Variants in KAT6B observed in about 807,000 individuals in gnomAD.
KAT6B encodes the protein histone acetyltransferase KAT6B.
KAT6B carries 10 observed loss-of-function variants against 187.5 expected under a neutral mutation model. That is an observed-to-expected ratio of 0.05 (90% confidence interval 0.03 to 0.09). The LOEUF (loss-of-function observed/expected upper bound fraction) is 0.09, where lower values mean the gene tolerates loss of function less well. Among genes scored for constraint, KAT6B ranks in the 10% least tolerant of loss-of-function variants. The probability of loss-of-function intolerance (pLI) is 1.00; values close to 1 mark genes in which losing one functional copy is unlikely to be tolerated. For missense variants in KAT6B, 1,952 were observed against 2,558.9 expected, an observed-to-expected ratio of 0.76 and a Z score of 5.12; for synonymous variants, 861 against 926.8, an observed-to-expected ratio of 0.93 and a Z score of 1.29.
chr10:75,020,328 T>C (rs1370969288), intron 13 of KAT6B, among the ~76,000 whole-genome samples: 1 of 152,228 alleles, frequency 6.6e-6, no homozygotes, highest in Admixed American at 6.5e-5. Context: ...TTGTTAAATA[T>C]GTCACAATAT....
At chr10:74,892,960 C>G (rs1363446790) in intron 3 of KAT6B, among the ~76,000 whole-genome samples, 1 of 152,216 alleles carries the variant, frequency 6.6e-6, no homozygotes, top group Non-Finnish European at 1.5e-5. Context: ...CTTGACATTT[C>G]CTGTGGGCCT....
At chr10:74,978,736 T>G (rs891745278) in intron 9 of KAT6B, among the ~76,000 whole-genome samples, 1 of 152,216 alleles carries the variant, frequency 6.6e-6, no homozygotes, top group African/African-American at 2.4e-5. Flanking sequence ...AATGCTAAGC[T>G]GCAGATTTCA....
At chr10:74,970,781 C>T (rs756694966) in intron 6 of KAT6B, among the ~76,000 whole-genome samples, 2 of 152,112 alleles carry the variant, frequency 1.3e-5, no homozygotes, top group Non-Finnish European at 2.9e-5. Context: ...TTGGAAATTT[C>T]CTTCTCTGCC....
chr10:74,862,301 G>C (rs751162053), intron 3 of KAT6B, among the ~76,000 whole-genome samples: 8 of 152,034 alleles, frequency 5.3e-5, no homozygotes, highest in Non-Finnish European at 1.0e-4. Flanking sequence ...TTTTTTCTGG[G>C]GTTTGTAGAC....
chr10:74,875,001 T>C (rs1215657786), intron 3 of KAT6B, among the ~76,000 whole-genome samples: 1 of 152,186 alleles, frequency 6.6e-6, no homozygotes, highest in Non-Finnish European at 1.5e-5. Flanking sequence ...TTGTTACATC[T>C]GATGACACAT....
intron 3 of KAT6B, among the ~76,000 whole-genome samples, chr10:74,847,902 T>A (rs1842217516): frequency 6.6e-6 from 1 of 151,220 alleles, no homozygotes; most frequent in African/African-American, 2.4e-5. Context: ...GTTTTTCTTT[T>A]TTTTTCTTTT....
At chr10:75,008,631 C>T (rs1053897845) in intron 13 of KAT6B, among the ~76,000 whole-genome samples, 6 of 152,188 alleles carry the variant, frequency 3.9e-5, no homozygotes, top group African/African-American at 1.4e-4. Context: ...TGAAGACAGC[C>T]TTTCATCCCT....
chr10:75,017,354 C>T (rs1166803608), intron 13 of KAT6B, among the ~76,000 whole-genome samples: 1 of 151,960 alleles, frequency 6.6e-6, no homozygotes, highest in Non-Finnish European at 1.5e-5. Flanking sequence ...AAATAGAGGC[C>T]GGGCACAGTG....
At chr10:74,871,246 G>A (rs557902814) in intron 3 of KAT6B, among the ~76,000 whole-genome samples, 18 of 140,786 alleles carry the variant, frequency 1.3e-4, no homozygotes, top group Admixed American at 3.8e-4. Flanking sequence ...AGGCTGGAGT[G>A]CTATGGTGCC....
chr10:74,953,659 T>C (rs765322592), intron 3 of KAT6B, among the ~76,000 whole-genome samples: 2 of 152,196 alleles, frequency 1.3e-5, no homozygotes, highest in African/African-American at 2.4e-5. Context: ...TATGGATCTA[T>C]AGGGGATTAT....
intron 3 of KAT6B, among the ~76,000 whole-genome samples, chr10:74,944,497 A>G (rs1849951193): frequency 1.3e-5 from 2 of 152,204 alleles, no homozygotes; most frequent in African/African-American, 2.4e-5. Flanking sequence ...GCACATGAAC[A>G]ACGTCATTAG....
intron 16 of KAT6B, among the ~76,000 whole-genome samples, chr10:75,022,956 C>T (rs966091567): frequency 5.3e-5 from 8 of 152,194 alleles, no homozygotes; most frequent in African/African-American, 1.9e-4. Flanking sequence ...AAGCCCAGTG[C>T]TCTTCATGCT....
intron 3 of KAT6B, among the ~76,000 whole-genome samples, chr10:74,870,856 T>C (rs1843882566): frequency 6.6e-6 from 1 of 151,564 alleles, no homozygotes; most frequent in South Asian, 2.1e-4. Context: ...GGATGACAGA[T>C]GTGAGCCACC....
intron 3 of KAT6B, among the ~76,000 whole-genome samples, chr10:74,938,199 C>T (rs1228569664): frequency 6.6e-6 from 1 of 152,296 alleles, no homozygotes; most frequent in East Asian, 1.9e-4. Context: ...CAACATCAAT[C>T]TAACCTGGGA....
chr10:74,973,135 C>T (rs1172128567), intron 7 of KAT6B, among the ~76,000 whole-genome samples: 1 of 152,200 alleles, frequency 6.6e-6, no homozygotes, highest in Non-Finnish European at 1.5e-5. Context: ...GAAAAACCTG[C>T]AGATGACCAC....
At chr10:74,878,453 C>T (rs1011397011) in intron 3 of KAT6B, among the ~76,000 whole-genome samples, 3 of 151,834 alleles carry the variant, frequency 2.0e-5, no homozygotes, top group African/African-American at 7.3e-5. Flanking sequence ...AACCCTGTCT[C>T]TACTAAAATA....
Position 74,969,669 on chromosome 10 carries a change from C to G in KAT6B, c.740C>G (p.Ser247Cys). ...CADCGSSGHPSCLKFCPELTT... is the reference protein window; with the variant it reads ...CADCGSSGHPCCLKFCPELTT... ...CTTTTTATTCTCATAGGACACCCAT[C>G]CTGTTTGAAATTTTGTCCTGAATTA... is the stretch of plus-strand genomic sequence containing the variant. Residue 247 changes from serine to cysteine, a missense_variant, in exon 5 of 18, where the codon TCC (serine) becomes TGC (cysteine). Transcript: ENST00000287239. 1 of 1,609,934 alleles carries G rather than the reference C, an allele frequency of 6.2e-7. No individual in the cohort carries two copies. The highest frequency in any genetic ancestry group is 8.5e-7 in the Non-Finnish European group (1 of 1,176,222).
intron 3 of KAT6B, among the ~76,000 whole-genome samples, chr10:74,943,460 G>A (rs542290353): frequency 5.9e-5 from 9 of 152,248 alleles, no homozygotes; most frequent in African/African-American, 1.2e-4. Flanking sequence ...AAATTGGGAC[G>A]TTGATGAACA....
chr10:74,955,749 T>C (rs1284087385), intron 3 of KAT6B, among the ~76,000 whole-genome samples: 2 of 152,234 alleles, frequency 1.3e-5, no homozygotes, highest in Non-Finnish European at 2.9e-5. Flanking sequence ...AAGAAATTTA[T>C]ATTATATCTA....
Sources: allele counts gnomAD v4.1 joint callset (sites outside exome capture counted in the v4.1 genomes callset), GRCh38; gene constraint gnomAD v4.1.1; transcripts MANE v1.5; gene names NCBI Gene and HGNC (gene_info 2026-07-23, HGNC 2026-07-21).